FERRY3: variants seen among roughly 807,000 people sequenced by gnomAD.
FERRY3 encodes the protein protein C12orf4.
chr12:4,520,101 G>C, the FERRY3 span, among the ~76,000 whole-genome samples: 1 of 152,172 alleles, frequency 6.6e-6, no homozygotes, highest in Admixed American at 6.5e-5. Context: ...TCATACAAGG[G>C]GGTAAAAAGA....
the FERRY3 span, among the ~76,000 whole-genome samples, chr12:4,526,217 G>T: frequency 6.6e-6 from 1 of 152,164 alleles, no homozygotes; most frequent in African/African-American, 2.4e-5. Context: ...ATTTATGAGG[G>T]AAAGGGTAAA....
chr12:4,513,586 G>A, the FERRY3 span, among the ~76,000 whole-genome samples: 58 of 151,696 alleles, frequency 3.8e-4, no homozygotes, highest in Non-Finnish European at 7.1e-4. Context: ...CAGAAATAAC[G>A]CCACATATCT....
chr12:4,509,574 A>C, the FERRY3 span, among the ~76,000 whole-genome samples: 197 of 148,234 alleles, frequency 1.3e-3, 11 homozygotes, highest in African/African-American at 4.3e-3. Context: ...CTGCCTCCTC[A>C]AGTGGGTCCC....
the FERRY3 span, among the ~76,000 whole-genome samples, chr12:4,501,873 G>A: frequency 6.6e-6 from 1 of 152,302 alleles, no homozygotes; most frequent in African/African-American, 2.4e-5. Context: ...TGGTGCTGGT[G>A]CCAAAAACGT....
At chr12:4,513,804 T>C in the FERRY3 span, among the ~76,000 whole-genome samples, 3 of 152,234 alleles carry the variant, frequency 2.0e-5, no homozygotes, top group Non-Finnish European at 2.9e-5. Context: ...GAAAAAAACC[T>C]AGGCATTACC....
the FERRY3 span, chr12:4,505,364 A>G: frequency 6.2e-7 from 1 of 1,605,498 alleles, no homozygotes. Context: ...CATTTCCTCC[A>G]TTTTGGTTTC....
the FERRY3 span, among the ~76,000 whole-genome samples, chr12:4,497,969 G>A: frequency 1.3e-5 from 2 of 152,156 alleles, no homozygotes; most frequent in Non-Finnish European, 2.9e-5. Flanking sequence ...GTGTAGTGTT[G>A]TCTGAGTTTA....
At chr12:4,516,418 T>C in the FERRY3 span, among the ~76,000 whole-genome samples, 1 of 152,234 alleles carries the variant, frequency 6.6e-6, no homozygotes, top group South Asian at 2.1e-4. Flanking sequence ...TGCACACGCA[T>C]GGTCTTCGCA....
chr12:4,510,563 A>G, the FERRY3 span, among the ~76,000 whole-genome samples: 1 of 150,072 alleles, frequency 6.7e-6, no homozygotes. Flanking sequence ...GAAACCCTAC[A>G]AGCCAGAAGA....
chr12:4,490,958 T>C, the FERRY3 span, among the ~76,000 whole-genome samples: 1 of 152,192 alleles, frequency 6.6e-6, no homozygotes, highest in Non-Finnish European at 1.5e-5. Flanking sequence ...ATGTAAATAA[T>C]GTCCAAATAG....
the FERRY3 span, chr12:4,518,381 T>G: frequency 1.4e-4 from 103 of 725,672 alleles, no homozygotes; most frequent in Middle Eastern, 3.2e-4. Flanking sequence ...AAAATGGGCC[T>G]TGCAACTTCC....
chr12:4,519,547 T>G, the FERRY3 span, among the ~76,000 whole-genome samples: 1 of 152,212 alleles, frequency 6.6e-6, no homozygotes, highest in Non-Finnish European at 1.5e-5. The surrounding 1 kb of genome is among the most constrained non-coding windows in gnomAD (Gnocchi z 4.3). Context: ...TCCATTTCCC[T>G]GACTAAATTT....
chr12:4,536,414 GAC>G, the FERRY3 span, among the ~76,000 whole-genome samples: 4 of 144,040 alleles, frequency 2.8e-5, no homozygotes, highest in Admixed American at 1.4e-4. Context: ...AAAAAAAAAA[GAC>G]ACTTTGTTTT....
At chr12:4,526,437 T>C in the FERRY3 span, among the ~76,000 whole-genome samples, 1 of 152,210 alleles carries the variant, frequency 6.6e-6, no homozygotes, top group Admixed American at 6.5e-5. Flanking sequence ...TACAAATGTA[T>C]GCAAAAAGTT....
the FERRY3 span, among the ~76,000 whole-genome samples, chr12:4,537,287 T>C: frequency 2.0e-5 from 3 of 152,220 alleles, no homozygotes; most frequent in Admixed American, 6.5e-5. Flanking sequence ...GGAAGACTTA[T>C]CCAACTCCCT....
the FERRY3 span, chr12:4,505,246 C>T: frequency 9.8e-7 from 1 of 1,023,656 alleles, no homozygotes; most frequent in Non-Finnish European, 1.5e-6. Context: ...CTATGGTGTG[C>T]ATTATAAAAC....
At chr12:4,492,725 G>A in the FERRY3 span, among the ~76,000 whole-genome samples, 1 of 151,968 alleles carries the variant, frequency 6.6e-6, no homozygotes, top group East Asian at 1.9e-4. Flanking sequence ...CTAGTGTCCT[G>A]AATTCTAGTG....
chr12:4,522,274 TCTGA>T, the FERRY3 span, among the ~76,000 whole-genome samples: 21 of 152,328 alleles, frequency 1.4e-4, no homozygotes, highest in Middle Eastern at 3.4e-3. Flanking sequence ...AACTTCACTC[TCTGA>T]CTGACACTAT....
chr12:4,537,338 G>A, the FERRY3 span, among the ~76,000 whole-genome samples: 1 of 152,172 alleles, frequency 6.6e-6, no homozygotes, highest in African/African-American at 2.4e-5. Context: ...TATTAGCCTA[G>A]ACTTATTTGA....
Sources: allele counts gnomAD v4.1 joint callset (sites outside exome capture counted in the v4.1 genomes callset), GRCh38; gene constraint gnomAD v4.1.1; non-coding constraint Gnocchi (gnomAD v3.1); transcripts MANE v1.5; gene names NCBI Gene and HGNC (gene_info 2026-07-23, HGNC 2026-07-21).